The following ANO3 variants were observed in gnomAD, a reference collection of about 807,000 sequenced individuals.
The protein encoded by ANO3 is anoctamin-3.
Under a neutral mutation model 144.8 loss-of-function variants are expected in ANO3, and 99 were observed. The ratio of observed to expected loss-of-function variants is 0.68; its 90% CI spans 0.58 to 0.81. The LOEUF is 0.81. Among genes scored for constraint, ANO3 ranks in the 30% least tolerant of loss-of-function variants. The probability of loss-of-function intolerance (pLI) is 0.00; values close to 1 mark genes in which losing one functional copy is unlikely to be tolerated. For missense variants in ANO3, 905 were observed against 1,202.2 expected (o/e 0.75, Z 3.66); for synonymous variants, 414 against 392.6 (o/e 1.05, Z -0.64).
At chr11:26,517,934 T>C (rs887154370) in intron 6 of ANO3, among the ~76,000 whole-genome samples, 2 of 152,064 alleles carry the variant, frequency 1.3e-5, no homozygotes, top group Admixed American at 1.3e-4. Context: ...TGGAAACTAC[T>C]AAGGAATCCT....
At chr11:26,199,794 T>G (rs1851656792) in intron 1 of ANO3, among the ~76,000 whole-genome samples, 1 of 152,206 alleles carries the variant, frequency 6.6e-6, no homozygotes, top group South Asian at 2.1e-4. Context: ...TCAGTGCTCA[T>G]CGTCTTCCTT....
Position 26,573,550 on chromosome 11 carries a change from C to A in ANO3, c.1447+13771C>A, listed in dbSNP as rs139143386. On this transcript the variant is annotated intron_variant, in intron 14 of 26. Transcript: ENST00000256737. ...GGACTGGGTGCACCTTTTCCCTAGG[C>A]CTTTTCTGCAATATGTGTGGGAATA... is the stretch of plus-strand genomic sequence containing the variant. Among the ~76,000 whole-genome samples, 699 of 152,244 alleles carry A rather than the reference C, an allele frequency of 4.6e-3. 4 individuals are homozygous for A. The highest frequency in any genetic ancestry group is 0.027 in the Middle Eastern group (8 of 294).
chr11:26,554,820 T>C (rs1280618574), intron 13 of ANO3, among the ~76,000 whole-genome samples: 1 of 152,146 alleles, frequency 6.6e-6, no homozygotes, highest in African/African-American at 2.4e-5. Context: ...GGAGTAATAA[T>C]GTGAGCGTTG....
chr11:26,407,103 T>C, intron 1 of ANO3, among the ~76,000 whole-genome samples: 1 of 145,984 alleles, frequency 6.9e-6, no homozygotes, highest in Non-Finnish European at 1.5e-5. Context: ...TGTATATATA[T>C]GCCAGAGTTA....
chr11:26,660,423 T>G lies in ANO3; in HGVS notation c.2925T>G (p.Pro975=). Residue 975 remains proline (P), a synonymous_variant, in exon 27 of 27, where the codon CCT becomes CCG. Coordinates refer to ENST00000256737, the MANE Select transcript of ANO3 (RefSeq NM_031418.4). ...LQQQRRKSGQ[P]VHHEWP The stretch of plus-strand genomic sequence containing the variant: ...AACAACGGAGAAAAAGTGGTCAGCC[T>G]GTTCACCATGAATGGCCTTAGTTGA... 1 of 1,612,806 alleles carries G rather than the reference T, an allele frequency of 6.2e-7. No homozygotes were observed. Among genetic ancestry groups the G allele is most frequent in the Non-Finnish European group, 8.5e-7 (1 of 1,179,378 alleles).
intron 1 of ANO3, among the ~76,000 whole-genome samples, chr11:26,416,530 G>A (rs909828180): frequency 1.6e-4 from 25 of 151,574 alleles, no homozygotes; most frequent in Admixed American, 1.5e-3. Flanking sequence ...AGGTTCAAAC[G>A]ATTCCCCTGC....
chr11:26,295,432 G>A (rs1854065839), intron 1 of ANO3, among the ~76,000 whole-genome samples: 2 of 147,246 alleles, frequency 1.4e-5, no homozygotes, highest in African/African-American at 5.0e-5. Flanking sequence ...GGCTGAGGCA[G>A]AAGAATGGCG....
At chr11:26,565,945 G>A (rs1850563676) in intron 14 of ANO3, 1 of 1,420,224 alleles carries the variant, frequency 7.0e-7, no homozygotes, top group Non-Finnish European at 9.4e-7. Context: ...AATACTCTGA[G>A]TTTTTAAATG....
chr11:26,366,935 C>T (rs1053136262), intron 1 of ANO3, among the ~76,000 whole-genome samples: 1 of 151,918 alleles, frequency 6.6e-6, no homozygotes, highest in African/African-American at 2.4e-5. Context: ...CAGAACAGAG[C>T]CCTCAGAAAT....
chr11:26,643,797 G>C (rs1341848191), intron 23 of ANO3, among the ~76,000 whole-genome samples: 1 of 152,124 alleles, frequency 6.6e-6, no homozygotes, highest in African/African-American at 2.4e-5. Flanking sequence ...AAAATAGCTT[G>C]AGGGAGTGAC....
At chr11:26,295,821 A>C (rs1854076912) in intron 1 of ANO3, among the ~76,000 whole-genome samples, 1 of 152,160 alleles carries the variant, frequency 6.6e-6, no homozygotes, top group Non-Finnish European at 1.5e-5. Flanking sequence ...AGTTTGAGCC[A>C]AATTCCTCCC....
rs1853855039 is a variant in ANO3 at position 26,660,763 on chromosome 11, G to A, written c.*319G>A. On this transcript the variant is annotated 3_prime_UTR_variant, in exon 27 of 27. Coordinates refer to ENST00000256737, the MANE Select transcript of ANO3 (RefSeq NM_031418.4). ...CTGCAGTGTAATGGGAAAGAGGGTG[G>A]TGAGGTTTTGAAAGACAGATTTCCA... is the stretch of plus-strand genomic sequence containing the variant. The A allele has an allele frequency of 4.2e-6, 1 of 238,108 alleles. No homozygotes were observed. The highest frequency in any genetic ancestry group is 8.0e-6 in the Non-Finnish European group (1 of 125,566). 14.7% of individuals were successfully genotyped at this position (238,108 alleles called of 1,614,324 possible). A position where few individuals can be genotyped will look rare whatever the true frequency, so the allele number is the denominator to read the frequency against.
intron 20 of ANO3, among the ~76,000 whole-genome samples, chr11:26,636,813 G>T (rs1233241178): frequency 2.0e-5 from 3 of 152,216 alleles, no homozygotes; most frequent in African/African-American, 7.2e-5. Flanking sequence ...TTCTATGCTG[G>T]ATTTAGAGTA....
intron 1 of ANO3, among the ~76,000 whole-genome samples, chr11:26,434,738 GC>G (rs1486484164): frequency 6.6e-6 from 1 of 152,124 alleles, no homozygotes; most frequent in African/African-American, 2.4e-5. Context: ...ATGGTTTTGA[GC>G]AATTTTTTAA....
At chr11:26,419,495 T>C (rs1049897043) in intron 1 of ANO3, among the ~76,000 whole-genome samples, 3 of 148,980 alleles carry the variant, frequency 2.0e-5, no homozygotes, top group South Asian at 2.1e-4. Context: ...CTGAACAAAT[T>C]AGTAAAGTAA....
rs1347769943 is a variant in ANO3, at chr11:26,375,264, A to G, written c.46+42943A>G. Among the ~76,000 whole-genome samples, 3 of 152,026 alleles carry G rather than the reference A, an allele frequency of 2.0e-5. No homozygotes were observed. In the East Asian group the frequency reaches 5.8e-4, roughly 29 times the overall value. ...GCCCCTATGAGAATCCAGTGCTGCC[A>G]CTGATCTGACAGGAGGTGGAGCTCA... On this transcript the variant is annotated intron_variant, in intron 1 of 26. Transcript: ENST00000256737.
At chr11:26,412,061 A>ATACTGATCAT (rs1261995538) in intron 1 of ANO3, among the ~76,000 whole-genome samples, 1 of 152,066 alleles carries the variant, frequency 6.6e-6, no homozygotes. Flanking sequence ...TACAAGTTAT[A>ATACTGATCAT]TACTGATCAT....
intron 5 of ANO3, among the ~76,000 whole-genome samples, chr11:26,510,153 AGAG>A (rs879827322): frequency 7.8e-6 from 1 of 128,582 alleles, no homozygotes; most frequent in Admixed American, 8.5e-5. Context: ...AAAAAAAAAA[AGAG>A]TAGAAAAGAA....
rs555528084 is a variant in ANO3, at chr11:26,612,321, G to C, written c.1837-12141G>C. On this transcript the variant is annotated intron_variant, in intron 17 of 26. Coordinates refer to ENST00000256737, the MANE Select transcript of ANO3 (RefSeq NM_031418.4). ...CCATGGGGCTAACCTAAATAATCTT[G>C]TAGATGTATTATTTTAAGATTTATT... 2.0e-5 allele frequency among the ~76,000 whole-genome samples: 3 copies of C among 151,460 alleles called. No homozygotes were observed. In the East Asian group the frequency reaches 5.8e-4, roughly 29 times the overall value.
Sources: gnomAD v4.1 joint callset for allele counts (sites outside exome capture counted in the v4.1 genomes callset) on GRCh38, gnomAD v4.1.1 for gene constraint, MANE v1.5 for transcripts, NCBI Gene and HGNC (gene_info 2026-07-23, HGNC 2026-07-21) for gene names.